NPIPB7: variants seen among roughly 807,000 people sequenced by gnomAD.
NPIPB7 encodes nuclear pore complex-interacting protein family member B7.
For missense variants in NPIPB7, 14 were observed against 238.5 expected (o/e 0.06, Z 6.20); for synonymous variants, 9 against 88.1 (o/e 0.10, Z 5.03).
chr16:28,472,185 G>A (rs1404224853), upstream of NPIPB7, among the ~76,000 whole-genome samples: 1 of 152,164 alleles, frequency 6.6e-6, no homozygotes, highest in Non-Finnish European at 1.5e-5. Context: ...GGTCAAGGTG[G>A]GCAGATCATT....
At chr16:28,468,719 A>G (rs2045920671) in intron 1 of NPIPB7, among the ~76,000 whole-genome samples, 2 of 133,286 alleles carry the variant, frequency 1.5e-5, no homozygotes, top group Non-Finnish European at 3.4e-5. Context: ...AGGCAGAAGA[A>G]TCACTTGAAC....
chr16:28,472,214 A>G (rs973537284), upstream of NPIPB7, among the ~76,000 whole-genome samples: 2 of 151,926 alleles, frequency 1.3e-5, no homozygotes, highest in Non-Finnish European at 2.9e-5. Context: ...GGAGTTTGAG[A>G]CCAGACTGGG....
At chr16:28,470,516 A>ACGGGGAC (rs1305451639) in exon 1 of NPIPB7, 1 of 737,838 alleles carries the variant, frequency 1.4e-6, no homozygotes, top group Non-Finnish European at 2.0e-6. Context: ...AGGGAAGGGG[A>ACGGGGAC]CGGGGACCGG....
chr16:28,464,909 G>T (rs2045897068), intron 2 of NPIPB7, among the ~76,000 whole-genome samples: 1 of 147,534 alleles, frequency 6.8e-6, no homozygotes, highest in African/African-American at 2.6e-5. Context: ...AATCTAAAAA[G>T]ATGAAAAGAG....
intron 2 of NPIPB7, among the ~76,000 whole-genome samples, chr16:28,465,563 TAGAG>T (rs1329001187): frequency 7.0e-6 from 1 of 142,632 alleles, no homozygotes; most frequent in African/African-American, 2.5e-5. Flanking sequence ...CTAAGTGGCA[TAGAG>T]AATGTTAAAT....
intron 1 of NPIPB7, among the ~76,000 whole-genome samples, chr16:28,469,999 C>T (rs2045932860): frequency 6.8e-6 from 1 of 147,860 alleles, no homozygotes; most frequent in Non-Finnish European, 1.5e-5. Flanking sequence ...GTCATCAAAC[C>T]AGATGACACA....
At chr16:28,465,483 C>T (rs867442769) in intron 2 of NPIPB7, among the ~76,000 whole-genome samples, 6 of 113,794 alleles carry the variant, frequency 5.3e-5, no homozygotes, top group South Asian at 3.2e-4. Context: ...AGACTCGTCT[C>T]GGGGGTGAGA....
intron 1 of NPIPB7, among the ~76,000 whole-genome samples, chr16:28,468,610 C>T (rs1328939140): frequency 3.4e-4 from 47 of 137,362 alleles, no homozygotes; most frequent in African/African-American, 1.2e-3. Context: ...AGATTGAGAC[C>T]ATCCTAGCTA....
chr16:28,470,725 G>T (rs1316698987), upstream of NPIPB7, among the ~76,000 whole-genome samples: 1 of 150,928 alleles, frequency 6.6e-6, no homozygotes. Context: ...AGGAGGAGAA[G>T]AAGAAAGGGG....
At chr16:28,457,517 GTC>G (rs2045852287) in intron 6 of NPIPB7, among the ~76,000 whole-genome samples, 1 of 127,150 alleles carries the variant, frequency 7.9e-6, no homozygotes, top group African/African-American at 2.8e-5. Context: ...TTCATGTTCT[GTC>G]TCTGACTCTC....
rs1416881710 is a variant in NPIPB7 at position 28,463,434 on chromosome 16, A to AC, written c.250-354_250-353insG. 8.9e-4 allele frequency among the ~76,000 whole-genome samples: 73 copies of AC among 81,944 alleles called. 1 individual carries two copies. Among genetic ancestry groups the AC allele is most frequent in the Non-Finnish European group, 1.5e-3 (58 of 37,970 alleles). The allele number at this position is 81,944 out of a possible 152,430, so 53.8% of individuals were successfully genotyped here. On this transcript the variant is annotated intron_variant, in intron 2 of 6. Coordinates refer to ENST00000452313, the Ensembl canonical transcript of NPIPB7. ...ACACACACACACACACACACACACA[A>AC]GAATGACATGAGGCTGGCACGGTGG...
At chr16:28,470,515 G>T in exon 1 of NPIPB7, 1 of 856,314 alleles carries the variant, frequency 1.2e-6, no homozygotes, top group Non-Finnish European at 1.7e-6. Context: ...GAGGGAAGGG[G>T]ACGGGGACCG....
At chr16:28,461,292 G>C (rs530286076) in intron 4 of NPIPB7, among the ~76,000 whole-genome samples, 2 of 131,730 alleles carry the variant, frequency 1.5e-5, no homozygotes, top group East Asian at 4.7e-4. Flanking sequence ...TAGGGACTGA[G>C]CCTGCACCGA....
At chr16:28,472,042 G>T (rs959493418), upstream of NPIPB7, among the ~76,000 whole-genome samples, 1 of 152,124 alleles carries the variant, frequency 6.6e-6, no homozygotes, top group East Asian at 1.9e-4. Context: ...AAAAAAAAAA[G>T]TTGGAGGATT....
At chr16:28,461,332 C>A (rs2031562596) in intron 4 of NPIPB7, among the ~76,000 whole-genome samples, 1 of 137,090 alleles carries the variant, frequency 7.3e-6, no homozygotes, top group African/African-American at 2.7e-5. Context: ...TATGGAGGAC[C>A]CGTGACCATC....
upstream of NPIPB7, among the ~76,000 whole-genome samples, chr16:28,472,214 A>C (rs973537284): frequency 1.3e-5 from 2 of 151,926 alleles, no homozygotes; most frequent in Non-Finnish European, 2.9e-5. Flanking sequence ...GGAGTTTGAG[A>C]CCAGACTGGG....
At chr16:28,463,739 A>G (rs1015440755) in intron 2 of NPIPB7, among the ~76,000 whole-genome samples, 4 of 122,364 alleles carry the variant, frequency 3.3e-5, no homozygotes, top group African/African-American at 1.1e-4. Context: ...AAAAAAAAAA[A>G]AAAAAAAAAA....
intron 2 of NPIPB7, among the ~76,000 whole-genome samples, chr16:28,463,553 G>T (rs1232624994): frequency 1.4e-5 from 2 of 140,730 alleles, no homozygotes; most frequent in Non-Finnish European, 3.1e-5. Context: ...ATGGAGAAAC[G>T]CTGTCTCTGC....
intron 1 of NPIPB7, among the ~76,000 whole-genome samples, chr16:28,467,303 G>C (rs1453623028): frequency 2.5e-5 from 2 of 81,378 alleles, no homozygotes; most frequent in African/African-American, 7.9e-5. Context: ...CAGTCGCCCA[G>C]GCTGGAGTGC....
Sources: allele counts gnomAD v4.1 joint callset (sites outside exome capture counted in the v4.1 genomes callset), GRCh38; gene constraint gnomAD v4.1.1; transcripts MANE v1.5; gene names NCBI Gene and HGNC (gene_info 2026-07-23, HGNC 2026-07-21).